PPM1H: variants seen among roughly 807,000 people sequenced by gnomAD.
PPM1H encodes protein phosphatase, Mg2+/Mn2+ dependent 1H, also known as protein phosphatase 1H.
Under a neutral mutation model 54.9 loss-of-function variants are expected in PPM1H, and 27 were observed. The observed-to-expected ratio is 0.49, with a 90% CI of 0.36 to 0.68. The LOEUF (loss-of-function observed/expected upper bound fraction) is 0.68. Ranked by LOEUF, PPM1H falls within the 30% of genes least tolerant of loss-of-function variation. PPM1H has a pLI of 0.00. For missense variants in PPM1H, 596 were observed against 667.8 expected (o/e 0.89, Z 1.19); for synonymous variants, 305 against 270.8 (o/e 1.13, Z -1.24).
At chr12:62,915,591 T>A (rs1363617986) in intron 1 of PPM1H, among the ~76,000 whole-genome samples, 1 of 152,218 alleles carries the variant, frequency 6.6e-6, no homozygotes, top group Non-Finnish European at 1.5e-5. Context: ...CCACTTCCCC[T>A]TCAATCCTGG....
chr12:62,907,351 G>A (rs1205109947), intron 1 of PPM1H, among the ~76,000 whole-genome samples: 1 of 152,154 alleles, frequency 6.6e-6, no homozygotes, highest in East Asian at 1.9e-4. Context: ...TTTAGTAATG[G>A]AGAAAATGGA....
intron 1 of PPM1H, among the ~76,000 whole-genome samples, chr12:62,909,225 A>G (rs1234469302): frequency 6.6e-6 from 1 of 152,152 alleles, no homozygotes; most frequent in African/African-American, 2.4e-5. Flanking sequence ...AACTGACATC[A>G]TCTTATACCC....
intron 1 of PPM1H, among the ~76,000 whole-genome samples, chr12:62,834,380 G>C (rs1396058969): frequency 2.0e-5 from 3 of 152,154 alleles, no homozygotes; most frequent in Admixed American, 2.0e-4. Context: ...TAATCCTACC[G>C]CATTTACTGC....
At chr12:62,656,003 G>C (rs1394340796) in intron 9 of PPM1H, among the ~76,000 whole-genome samples, 2 of 152,230 alleles carry the variant, frequency 1.3e-5, no homozygotes, top group African/African-American at 4.8e-5. Flanking sequence ...AAGGACAGCA[G>C]GGGAGGCATG....
intron 4 of PPM1H, among the ~76,000 whole-genome samples, chr12:62,772,936 T>C (rs2076587987): frequency 6.7e-6 from 1 of 150,334 alleles, no homozygotes; most frequent in South Asian, 2.1e-4. Context: ...GATCACGAGG[T>C]CAAGAGATCG....
At chr12:62,846,226 C>T (rs769813644) in intron 1 of PPM1H, among the ~76,000 whole-genome samples, 12 of 152,126 alleles carry the variant, frequency 7.9e-5, no homozygotes, top group Non-Finnish European at 1.3e-4. Flanking sequence ...GGGCCAGGTG[C>T]GGTGGCTCAC....
intron 8 of PPM1H, among the ~76,000 whole-genome samples, chr12:62,671,177 G>A (rs2075954405): frequency 6.6e-6 from 1 of 152,062 alleles, no homozygotes; most frequent in South Asian, 2.1e-4. Flanking sequence ...GTTCCTGGAA[G>A]CCTCACATCA....
chr12:62,897,223 C>T (rs1428301826), intron 1 of PPM1H, among the ~76,000 whole-genome samples: 1 of 152,032 alleles, frequency 6.6e-6, no homozygotes, highest in East Asian at 1.9e-4. Context: ...ACATTGTGCA[C>T]ATGTACCCTA....
chr12:62,674,443 T>C (rs139239081), intron 8 of PPM1H, among the ~76,000 whole-genome samples: 1 of 152,150 alleles, frequency 6.6e-6, no homozygotes, highest in Admixed American at 6.6e-5. Flanking sequence ...AATATGACAC[T>C]TATGACAAGA....
At chr12:62,925,318 C>T (rs575007912) in intron 1 of PPM1H, among the ~76,000 whole-genome samples, 9 of 152,282 alleles carry the variant, frequency 5.9e-5, no homozygotes, top group South Asian at 4.1e-4. Flanking sequence ...GTGACTCACA[C>T]CTGCAATCCC....
At chr12:62,849,189 G>A (rs1869087385) in intron 1 of PPM1H, among the ~76,000 whole-genome samples, 1 of 152,160 alleles carries the variant, frequency 6.6e-6, no homozygotes, top group African/African-American at 2.4e-5. Context: ...CATCCAACCT[G>A]AAAGGTGAAT....
rs1322074749 is a variant in PPM1H at position 62,720,261 on chromosome 12, T to C, written c.983A>G (p.Asn328Ser). The part of the protein sequence containing the change: ...LAFMQPHLLG[N>S]EFTHLEFPRR... ...TGGAAACTCCAAATGTGTGAACTCATTTCCCAGCAAGTGAGGCTGCATGAA... is the reference window on the plus strand; with the variant it reads ...TGGAAACTCCAAATGTGTGAACTCACTTCCCAGCAAGTGAGGCTGCATGAA... The change falls in exon 6 of 10, where the codon AAT becomes AGT. Residue 328 changes from asparagine (N) to serine (S), a missense_variant. Asn to Ser is a conservative substitution (Grantham distance 46, BLOSUM62 1). This residue lies in a region of PPM1H where 208 missense variants were observed against 259.5 expected (regional missense o/e 0.80). Coordinates refer to ENST00000228705, the MANE Select transcript of PPM1H (RefSeq NM_020700.2). The C allele has an allele frequency of 1.2e-6, 2 of 1,613,548 alleles. No individual in the cohort carries two copies. Among genetic ancestry groups the C allele is most frequent in the African/African-American group, 2.7e-5 (2 of 75,020 alleles).
chr12:62,858,930 A>C (rs2120962666), intron 1 of PPM1H, among the ~76,000 whole-genome samples: 1 of 152,164 alleles, frequency 6.6e-6, no homozygotes, highest in African/African-American at 2.4e-5. Flanking sequence ...ACAACCTAAA[A>C]CCCATTTTAA....
intron 1 of PPM1H, among the ~76,000 whole-genome samples, chr12:62,873,630 G>T (rs1449506377): frequency 6.6e-6 from 1 of 152,102 alleles, no homozygotes; most frequent in African/African-American, 2.4e-5. Context: ...CCCAGAGCAG[G>T]TTCCATTTTA....
intron 3 of PPM1H, among the ~76,000 whole-genome samples, chr12:62,795,950 A>G (rs1312865306): frequency 6.7e-6 from 1 of 149,822 alleles, no homozygotes; most frequent in East Asian, 2.0e-4. Context: ...GCTGGTCTCG[A>G]ACTCCTGGCC....
intron 1 of PPM1H, among the ~76,000 whole-genome samples, chr12:62,862,934 TA>T (rs1294225359): frequency 6.6e-6 from 1 of 152,226 alleles, no homozygotes; most frequent in African/African-American, 2.4e-5. Flanking sequence ...CAAGGTAGAA[TA>T]ATATCAAATA....
At chr12:62,674,385 C>T (rs983630500) in intron 8 of PPM1H, among the ~76,000 whole-genome samples, 1 of 152,138 alleles carries the variant, frequency 6.6e-6, no homozygotes, top group Non-Finnish European at 1.5e-5. Flanking sequence ...AAATCTTGTC[C>T]CCTCTATTTC....
chr12:62,821,343 C>T (rs199871251), intron 2 of PPM1H, among the ~76,000 whole-genome samples: 1 of 152,224 alleles, frequency 6.6e-6, no homozygotes, highest in African/African-American at 2.4e-5. Context: ...TTGGAAAACA[C>T]TCTGCCAGGA....
At chr12:62,867,165 T>C (rs1869804830) in intron 1 of PPM1H, among the ~76,000 whole-genome samples, 1 of 152,190 alleles carries the variant, frequency 6.6e-6, no homozygotes, top group Non-Finnish European at 1.5e-5. Flanking sequence ...TTATTATTAA[T>C]ACAGGATCTG....
Sources: gnomAD v4.1 joint callset for allele counts (sites outside exome capture counted in the v4.1 genomes callset) on GRCh38, gnomAD v4.1.1 for gene constraint, gnomAD v4.1.1 regional missense constraint, MANE v1.5 for transcripts, NCBI Gene and HGNC (gene_info 2026-07-23, HGNC 2026-07-21) for gene names.